Variants in LGALS8 observed in about 807,000 individuals in gnomAD.
LGALS8 encodes galectin-8.
In LGALS8, 30 loss-of-function variants were observed where a neutral mutation model predicts 35.9. That is an observed-to-expected ratio of 0.83 (90% CI 0.62 to 1.13). The LOEUF (loss-of-function observed/expected upper bound fraction) is 1.13. LGALS8 is among the 50% of genes most tolerant of loss of function. LGALS8 has a pLI of 0.00. For synonymous variants in LGALS8, 138 were observed against 136.1 expected, an observed-to-expected ratio of 1.01 and a Z score of -0.10; for missense variants, 366 against 388.7, an observed-to-expected ratio of 0.94 and a Z score of 0.49.
intron 2 of LGALS8, among the ~76,000 whole-genome samples, chr1:236,527,894 C>G (rs1571990604): frequency 6.6e-6 from 1 of 151,960 alleles, no homozygotes; most frequent in East Asian, 1.9e-4. Context: ...TGCTACCATG[C>G]CCGGCTAATT....
chr1:236,524,984 T>C (rs1660736850), intron 1 of LGALS8, among the ~76,000 whole-genome samples: 1 of 152,212 alleles, frequency 6.6e-6, no homozygotes, highest in Non-Finnish European at 1.5e-5. Flanking sequence ...CAGGAAGCTC[T>C]GGTTTCATTT....
In LGALS8 at chr1:236,544,918, G is replaced by A; in HGVS notation, c.804+3G>A. 1 of 1,600,756 alleles carries A rather than the reference G, an allele frequency of 6.2e-7. No individual in the cohort carries two copies. The highest frequency in any genetic ancestry group is 8.5e-7 in the Non-Finnish European group (1 of 1,172,588). ...TTAGTCCTGGGATGTACTTTGAGGT[G>A]AGGTTACAGTTTTTGAAAATGGGAC... On this transcript the variant is annotated splice_donor_region_variant and intron_variant, in intron 9 of 9. Transcript: ENST00000366584.
At chr1:236,544,624 T>C (rs1662244780) in intron 8 of LGALS8, 126 bp from the exon 9 acceptor site, 6 of 592,464 alleles carry the variant, frequency 1.0e-5, no homozygotes, top group Non-Finnish European at 1.4e-5. Context: ...CCCATGTCCA[T>C]GTGGATACGT....
At chr1:236,546,961 C>G in intron 9 of LGALS8, among the ~76,000 whole-genome samples, 1 of 152,124 alleles carries the variant, frequency 6.6e-6, no homozygotes, top group Admixed American at 6.5e-5. Flanking sequence ...AGGACTTGGG[C>G]TGAAATTTCC....
Position 236,540,697 on chromosome 1 carries a change from C to T in LGALS8, c.465+14C>T, listed in dbSNP as rs773081367. ...AGCTTCAGCTCGGTGAGTGACCTTC[C>T]ACAGCTTGGGGTCTTTTATGAGGAT... is the stretch of plus-strand genomic sequence containing the variant. On this transcript the variant is annotated intron_variant, in intron 5 of 9. Coordinates refer to ENST00000366584, the MANE Select transcript of LGALS8 (RefSeq NM_201544.4). 2.5e-6 allele frequency: 4 copies of T among 1,597,418 alleles called. No homozygotes were observed. Among genetic ancestry groups the T allele is most frequent in the Non-Finnish European group, 3.4e-6 (4 of 1,171,886 alleles).
rs146809762 is a variant in LGALS8, at chr1:236,551,141, C to T, written c.*2980C>T. On this transcript the variant is annotated 3_prime_UTR_variant, in exon 10 of 10. Coordinates refer to ENST00000366584, the MANE Select transcript of LGALS8 (RefSeq NM_201544.4). ...CACATTAACAAAGCAGGAGGCGCCA[C>T]GGACCGCCTCCCTCCACACCGCTCC... 422 of 613,912 alleles carry T rather than the reference C, an allele frequency of 6.9e-4. 3 individuals carry two copies. In the African/African-American group the frequency reaches 7.2e-3, roughly 11 times the overall value. 38.0% of individuals were successfully genotyped at this position (613,912 alleles called of 1,614,324 possible). A position where few individuals can be genotyped will look rare whatever the true frequency, so the allele number is the denominator to read the frequency against.
Position 236,548,397 on chromosome 1 carries a change from T to A in LGALS8, c.*236T>A, listed in dbSNP as rs1255689704. 6.0e-6 allele frequency: 3 copies of A among 498,346 alleles called. No individual in the cohort carries two copies. Among genetic ancestry groups the A allele is most frequent in the Non-Finnish European group, 1.1e-5 (3 of 278,990 alleles). The allele number at this position is 498,346 out of a possible 1,614,324, so 30.9% of individuals were successfully genotyped here. On this transcript the variant is annotated 3_prime_UTR_variant, in exon 10 of 10. Transcript: ENST00000366584. ...CCAGTTAAAGCCACTCTGCCCTCTCTCCTACTTTGGCTGACTCTTCAAGAA... is the reference window on the plus strand; with the variant it reads ...CCAGTTAAAGCCACTCTGCCCTCTCACCTACTTTGGCTGACTCTTCAAGAA...
In LGALS8 at chr1:236,540,622, T is replaced by TA; in HGVS notation, c.405dup (p.Asp136ArgfsTer17). 1 of 1,611,498 alleles carries TA rather than the reference T, an allele frequency of 6.2e-7. No individual in the cohort carries two copies. Among genetic ancestry groups the TA allele is most frequent in the South Asian group, 1.1e-5 (1 of 90,544 alleles). On this transcript the variant is annotated frameshift_variant, in exon 5 of 10. Transcript: ENST00000366584. LOFTEE classifies it high-confidence loss of function. ...GGCCACAGGATCGGCCCAGAGAAAA[T>TA]AGACACTCTGGGCATTTATGGCAAA... is the stretch of plus-strand genomic sequence containing the variant.
intron 5 of LGALS8, 73 bp downstream of exon 5, chr1:236,540,756 A>G: frequency 6.3e-6 from 9 of 1,422,516 alleles, no homozygotes; most frequent in Non-Finnish European, 8.5e-6. Context: ...AAATCTTCAA[A>G]TAACACTTCT....
chr1:236,524,151 G>A, intron 1 of LGALS8, 90 bp downstream of exon 1: 2 of 456,698 alleles, frequency 4.4e-6, no homozygotes, highest in Non-Finnish European at 8.8e-6. Flanking sequence ...GATGGCATTC[G>A]GATGTCACGG....
chr1:236,542,660 C>G (rs1031369132), intron 6 of LGALS8, 101 bp from the exon 7 acceptor site: 3 of 1,268,906 alleles, frequency 2.4e-6, no homozygotes, highest in Middle Eastern at 2.2e-4. Context: ...AGGAACATCC[C>G]AGGCTCCGGC....
chr1:236,542,606 C>A, intron 6 of LGALS8, 155 bp from the exon 7 acceptor site: 1 of 731,788 alleles, frequency 1.4e-6, no homozygotes. Context: ...CATACCATTC[C>A]GTCATAAAGC....
At chr1:236,546,242 T>G (rs1662355145) in intron 9 of LGALS8, among the ~76,000 whole-genome samples, 2 of 152,308 alleles carry the variant, frequency 1.3e-5, no homozygotes, top group South Asian at 4.1e-4. Flanking sequence ...TAGATGAATG[T>G]TATATGCTTT....
rs115384440 is a variant in LGALS8 at position 236,546,325 on chromosome 1, G to A, written c.804+1410G>A. Among the ~76,000 whole-genome samples the A allele has an allele frequency of 5.1e-3, 770 of 152,268 alleles. 7 individuals carry two copies. Among genetic ancestry groups the A allele is most frequent in the African/African-American group, 0.017 (714 of 41,566 alleles). On this transcript the variant is annotated intron_variant, in intron 9 of 9. Coordinates refer to ENST00000366584, the MANE Select transcript of LGALS8 (RefSeq NM_201544.4). ...TATCCTTGTGTTGATCACTGCTGAC[G>A]ATTTTCTATACTGATAGGTCCTTTC...
chr1:236,548,278 AC>A lies in LGALS8; in HGVS notation c.*119del. The A allele has an allele frequency of 1.0e-6, 1 of 972,662 alleles. No individual in the cohort carries two copies. The highest frequency in any genetic ancestry group is 1.5e-6 in the Non-Finnish European group (1 of 650,014). 60.3% of individuals were successfully genotyped at this position (972,662 alleles called of 1,614,324 possible). A position where few individuals can be genotyped will look rare whatever the true frequency, so the allele number is the denominator to read the frequency against. On this transcript the variant is annotated 3_prime_UTR_variant, in exon 10 of 10. Coordinates refer to ENST00000366584, the MANE Select transcript of LGALS8 (RefSeq NM_201544.4). The stretch of plus-strand genomic sequence containing the variant: ...TTATATTGTTAAAATGAGCTTGTGC[AC>A]CATTAGGTCCTGCTGGGTGTTCTCA...
At chr1:236,541,896 T>A (rs1662022358) in intron 6 of LGALS8, among the ~76,000 whole-genome samples, 186 bp downstream of exon 6, 1 of 152,220 alleles carries the variant, frequency 6.6e-6, no homozygotes, top group Non-Finnish European at 1.5e-5. Flanking sequence ...GATTCACCTG[T>A]CAGTTTCTGT....
Position 236,547,956 on chromosome 1 carries a change from AAC to A in LGALS8, c.805-52_805-51del, listed in dbSNP as rs1031335670. 39 of 1,505,258 alleles carry A rather than the reference AAC, an allele frequency of 2.6e-5. No homozygotes were observed. In the African/African-American group the frequency reaches 3.4e-4, roughly 13 times the overall value. The allele number at this position is 1,505,258 out of a possible 1,614,324, so 93.2% of individuals were successfully genotyped here. A position where few individuals can be genotyped will look rare whatever the true frequency, so the allele number is the denominator to read the frequency against. On this transcript the variant is annotated intron_variant, in intron 9 of 9. Transcript: ENST00000366584. ...ACTCTGACACCGTTAGCATGTAACAAACACAAAATTTTAAACTAAGGGGAACC... is the reference window on the plus strand; with the variant it reads ...ACTCTGACACCGTTAGCATGTAACAAACAAAATTTTAAACTAAGGGGAACC...
chr1:236,540,732 T>C (rs1301240219), intron 5 of LGALS8, 49 bp downstream of exon 5: 2 of 1,525,978 alleles, frequency 1.3e-6, no homozygotes, highest in African/African-American at 1.4e-5. Context: ...TGGTTTCTGA[T>C]GAGATGGTAG....
chr1:236,550,997 A>AAG lies in LGALS8; in HGVS notation c.*2837_*2838insGA. On this transcript the variant is annotated 3_prime_UTR_variant, in exon 10 of 10. Coordinates refer to ENST00000366584, the MANE Select transcript of LGALS8 (RefSeq NM_201544.4). ...TCTACTTCTTCACATTCATCTAAAAAAAAAAAAAAAAAATCAAAATTAAAA... is the reference window on the plus strand; with the variant it reads ...TCTACTTCTTCACATTCATCTAAAAAAGAAAAAAAAAAAAATCAAAATTAAAA... The AAG allele has an allele frequency of 1.3e-6, 2 of 1,552,094 alleles. No homozygotes were observed. Among genetic ancestry groups the AAG allele is most frequent in the Non-Finnish European group, 1.7e-6 (2 of 1,156,710 alleles).
Sources: allele counts gnomAD v4.1 joint callset (sites outside exome capture counted in the v4.1 genomes callset), GRCh38; gene constraint gnomAD v4.1.1; transcripts MANE v1.5; gene names NCBI Gene and HGNC (gene_info 2026-07-23, HGNC 2026-07-21).